Variants in CAST observed in about 807,000 individuals in gnomAD.
CAST encodes the protein calpastatin.
A neutral mutation model predicts 119.6 loss-of-function variants in CAST; 76 were observed. The observed-to-expected ratio is 0.64, with a 90% CI of 0.53 to 0.77. The LOEUF (loss-of-function observed/expected upper bound fraction) is 0.77, where lower values mean the gene tolerates loss of function less well. CAST is among the 30% of genes least tolerant of loss of function. The pLI is 0.00. For synonymous variants in CAST, 319 were observed against 331.6 expected (o/e 0.96, Z 0.41); for missense variants, 953 against 946.5 (o/e 1.01, Z -0.09).
chr5:96,552,615 T>A (rs1257970880), intron 1 of CAST, among the ~76,000 whole-genome samples: 1 of 152,040 alleles, frequency 6.6e-6, no homozygotes, highest in East Asian at 1.9e-4. Flanking sequence ...CTTCAAAAAA[T>A]CAGTGAATAC....
the CAST span, among the ~76,000 whole-genome samples, chr5:96,263,272 C>G: frequency 6.6e-6 from 1 of 151,896 alleles, no homozygotes; most frequent in South Asian, 2.1e-4. Context: ...ATTTTTAAAC[C>G]CAGGGCATGA....
intron 1 of CAST, among the ~76,000 whole-genome samples, chr5:96,556,287 C>T (rs946444011): frequency 6.6e-6 from 1 of 152,308 alleles, no homozygotes; most frequent in Non-Finnish European, 1.5e-5. Context: ...ACTGGAAACT[C>T]TAAAAAGCAG....
At chr5:96,585,492 C>G (rs1480936637) in intron 1 of CAST, among the ~76,000 whole-genome samples, 1 of 152,178 alleles carries the variant, frequency 6.6e-6, no homozygotes, top group East Asian at 1.9e-4. Flanking sequence ...CTCATCTATA[C>G]TAAAACTGCT....
At chr5:96,580,649 C>T (rs1249038428) in intron 1 of CAST, among the ~76,000 whole-genome samples, 1 of 152,170 alleles carries the variant, frequency 6.6e-6, no homozygotes, top group East Asian at 1.9e-4. Context: ...CAATGGATTA[C>T]ATTTGGAGTA....
At chr5:96,298,292 T>C in the CAST span, among the ~76,000 whole-genome samples, 1 of 152,226 alleles carries the variant, frequency 6.6e-6, no homozygotes, top group Non-Finnish European at 1.5e-5. Context: ...TTTCTTTTAG[T>C]TTCTGCTTAG....
the CAST span, among the ~76,000 whole-genome samples, chr5:96,218,600 G>A: frequency 6.6e-6 from 1 of 152,152 alleles, no homozygotes; most frequent in Non-Finnish European, 1.5e-5. Flanking sequence ...TCTGCTGCCT[G>A]TGGCTACCTC....
the CAST span, among the ~76,000 whole-genome samples, chr5:96,114,523 G>T: frequency 6.6e-6 from 1 of 152,146 alleles, no homozygotes; most frequent in African/African-American, 2.4e-5. Context: ...GGGTCAAAGA[G>T]GTTCTGATTC....
the CAST span, among the ~76,000 whole-genome samples, chr5:95,971,936 CTTCT>C: frequency 6.7e-6 from 1 of 149,670 alleles, no homozygotes; most frequent in Admixed American, 6.7e-5. Context: ...GTAAATATGT[CTTCT>C]TTGTTTATTT....
intron 4 of CAST, 24 bp from the exon 5 acceptor site, chr5:96,726,770 C>G: frequency 6.5e-7 from 1 of 1,543,456 alleles, no homozygotes; most frequent in Non-Finnish European, 8.9e-7. Context: ...TAAAATTATA[C>G]CTGGGGCTGT....
At chr5:96,445,600 C>T in the CAST span, among the ~76,000 whole-genome samples, 1,062 of 152,290 alleles carry the variant, frequency 7.0e-3, 6 homozygotes, top group Non-Finnish European at 0.012. Flanking sequence ...TTTCTCTTCT[C>T]CCAGTGTTCC....
At chr5:96,296,150 A>G in the CAST span, among the ~76,000 whole-genome samples, 1 of 152,236 alleles carries the variant, frequency 6.6e-6, no homozygotes, top group South Asian at 2.1e-4. Context: ...ACTAGCCAAC[A>G]TGCAAAAAAT....
intron 1 of CAST, among the ~76,000 whole-genome samples, chr5:96,665,932 C>T (rs966520431): frequency 4.6e-5 from 7 of 152,096 alleles, no homozygotes; most frequent in African/African-American, 1.7e-4. Context: ...ATGTATAATA[C>T]ATATATAGAC....
the CAST span, among the ~76,000 whole-genome samples, chr5:96,201,438 A>G: frequency 6.6e-6 from 1 of 152,132 alleles, no homozygotes; most frequent in African/African-American, 2.4e-5. Context: ...CTCTTGGGCA[A>G]TGCCTTCAGA....
chr5:95,961,512 C>G, the CAST span: 2 of 1,392,300 alleles, frequency 1.4e-6, no homozygotes, highest in African/African-American at 3.0e-5. Context: ...CACCCGGGCG[C>G]GGCCAGGCCG....
chr5:96,327,365 T>C, the CAST span, among the ~76,000 whole-genome samples: 1 of 152,204 alleles, frequency 6.6e-6, no homozygotes, highest in Admixed American at 6.5e-5. Flanking sequence ...CCCAAGGGAT[T>C]CCTCCTTCAA....
chr5:96,054,361 T>C, the CAST span, among the ~76,000 whole-genome samples: 2 of 152,132 alleles, frequency 1.3e-5, no homozygotes, highest in Non-Finnish European at 2.9e-5. Flanking sequence ...TAAGCAATCC[T>C]CTAGCCTCAG....
At chr5:96,683,745 A>G (rs990691937) in intron 2 of CAST, among the ~76,000 whole-genome samples, 6 of 152,162 alleles carry the variant, frequency 3.9e-5, no homozygotes, top group African/African-American at 1.4e-4. Context: ...TTATTTTCCT[A>G]TGTGGAATGT....
chr5:96,052,371 G>A, the CAST span, among the ~76,000 whole-genome samples: 1 of 152,108 alleles, frequency 6.6e-6, no homozygotes, highest in Non-Finnish European at 1.5e-5. Flanking sequence ...AAAGTGATGA[G>A]TACAAGACAC....
the CAST span, among the ~76,000 whole-genome samples, chr5:96,081,112 G>A: frequency 6.6e-6 from 1 of 152,194 alleles, no homozygotes; most frequent in Non-Finnish European, 1.5e-5. Context: ...ATGCTCCAGA[G>A]GACAGAAAGT....
Sources: gnomAD v4.1 joint callset for allele counts (sites outside exome capture counted in the v4.1 genomes callset) on GRCh38, gnomAD v4.1.1 for gene constraint, MANE v1.5 for transcripts, NCBI Gene and HGNC (gene_info 2026-07-23, HGNC 2026-07-21) for gene names.